USP39: variants seen among roughly 807,000 people sequenced by gnomAD.
The protein encoded by USP39 is ubiquitin carboxyl-terminal hydrolase 39.
Under a neutral mutation model 66.4 loss-of-function variants are expected in USP39, and 38 were observed. The observed-to-expected ratio is 0.57, with a 90% CI of 0.44 to 0.75. USP39 has a LOEUF of 0.75. USP39 is among the 30% of genes least tolerant of loss of function. The pLI is 0.00. For missense variants in USP39, 608 were observed against 714.4 expected, an observed-to-expected ratio of 0.85 and a Z score of 1.70; for synonymous variants, 303 against 274.6, an observed-to-expected ratio of 1.10 and a Z score of -1.02.
intron 1 of USP39, 75 bp downstream of exon 1, chr2:85,616,538 G>A: frequency 8.3e-7 from 1 of 1,211,106 alleles, no homozygotes; most frequent in East Asian, 4.1e-5. Context: ...CTAATCTTCC[G>A]CTAGGTCACT....
intron 9 of USP39, among the ~76,000 whole-genome samples, chr2:85,640,291 C>CTT (rs763669112): frequency 7.0e-6 from 1 of 141,890 alleles, no homozygotes. Context: ...GGGAGACATA[C>CTT]TTTTTTTTTT....
chr2:85,616,120 C>A, upstream of USP39: 2 of 1,386,394 alleles, frequency 1.4e-6, no homozygotes, highest in Non-Finnish European at 1.9e-6. Flanking sequence ...GCTACCAGCC[C>A]CTCTCCTGAT....
Position 85,646,699 on chromosome 2 carries a change from G to C in USP39, c.1564-1231G>C, listed in dbSNP as rs539473926. Among the ~76,000 whole-genome samples, 18 of 152,254 alleles carry C rather than the reference G, an allele frequency of 1.2e-4. No homozygotes were observed. The South Asian group carries it at 1.5e-3, about 12-fold the overall frequency. Reference sequence around the variant, plus strand: ...TTGGTATTTCTTAGAACTTTGGTTGGATAAGACAGGTGGGCGGCCAGAGGT... The same window carrying C: ...TTGGTATTTCTTAGAACTTTGGTTGCATAAGACAGGTGGGCGGCCAGAGGT... On this transcript the variant is annotated intron_variant, in intron 11 of 12. Coordinates refer to ENST00000323701, the MANE Select transcript of USP39 (RefSeq NM_006590.4).
chr2:85,644,905 A>C (rs756778509), intron 10 of USP39, 43 bp from the exon 11 acceptor site: 5 of 1,610,278 alleles, frequency 3.1e-6, no homozygotes, highest in Non-Finnish European at 3.4e-6. Context: ...TTAACCTCAC[A>C]GCCTTTGTCT....
chr2:85,625,769 A>G, intron 5 of USP39, 78 bp downstream of exon 5: 2 of 1,545,740 alleles, frequency 1.3e-6, no homozygotes, highest in Non-Finnish European at 1.8e-6. Context: ...CTGTAATCCC[A>G]GCACTTTGGG....
intron 8 of USP39, 128 bp downstream of exon 8, chr2:85,637,564 T>A: frequency 1.1e-6 from 1 of 935,496 alleles, no homozygotes; most frequent in Non-Finnish European, 1.7e-6. Context: ...AGCACCTGCC[T>A]AGTGGCAGCT....
chr2:85,629,452 A>C (rs1675146525), intron 5 of USP39, among the ~76,000 whole-genome samples: 1 of 150,998 alleles, frequency 6.6e-6, no homozygotes, highest in Non-Finnish European at 1.5e-5. Flanking sequence ...TTAATGAGAT[A>C]CAATTTGTTT....
At position 85,619,212 on chromosome 2, in the gene USP39, C is replaced by T; in HGVS notation, c.269-8C>T. On this transcript the variant is annotated splice_region_variant and splice_polypyrimidine_tract_variant and intron_variant, in intron 1 of 12. Coordinates refer to ENST00000323701, the MANE Select transcript of USP39 (RefSeq NM_006590.4). ...CATTTTCAAAGCCTGTGATGATTTTCCTTTCAGCAAAGAATGGCCGAGTGG... is the reference window on the plus strand; with the variant it reads ...CATTTTCAAAGCCTGTGATGATTTTTCTTTCAGCAAAGAATGGCCGAGTGG... 1 of 1,613,784 alleles carries T rather than the reference C, an allele frequency of 6.2e-7. No individual in the cohort carries two copies. The highest frequency in any genetic ancestry group is 1.1e-5 in the South Asian group (1 of 91,006).
upstream of USP39, among the ~76,000 whole-genome samples, chr2:85,610,013 G>GTTTTTT (rs552989319): frequency 3.2e-5 from 4 of 125,142 alleles, no homozygotes; most frequent in African/African-American, 6.6e-5. Flanking sequence ...AGTGTAAGTG[G>GTTTTTT]TTTTTTTTTT....
intron 1 of USP39, among the ~76,000 whole-genome samples, chr2:85,618,620 A>T (rs913893755): frequency 6.6e-6 from 1 of 151,904 alleles, no homozygotes; most frequent in South Asian, 2.1e-4. Flanking sequence ...TTTGTATTAC[A>T]ATTAGTTTAT....
At chr2:85,631,633 G>A (rs1173340256) in intron 6 of USP39, among the ~76,000 whole-genome samples, 1 of 152,178 alleles carries the variant, frequency 6.6e-6, no homozygotes, top group Non-Finnish European at 1.5e-5. Context: ...TATGGCTTAG[G>A]GAAATACCAG....
intron 10 of USP39, 67 bp from the exon 11 acceptor site, chr2:85,644,881 G>T: frequency 1.3e-6 from 2 of 1,599,352 alleles, no homozygotes; most frequent in South Asian, 2.2e-5. Flanking sequence ...GTCCGTTTGT[G>T]TAGGACAGTT....
chr2:85,607,835 T>A (rs543649860), upstream of USP39: 2 of 152,300 alleles, frequency 1.3e-5, no homozygotes, highest in South Asian at 4.1e-4. Flanking sequence ...TCTTGTGGAA[T>A]TCAGACGTAA....
chr2:85,647,597 T>C, intron 11 of USP39, among the ~76,000 whole-genome samples: 1 of 150,332 alleles, frequency 6.7e-6, no homozygotes, highest in East Asian at 2.0e-4. Context: ...GGGTCAAGGC[T>C]GCAGTGAGCT....
intron 6 of USP39, among the ~76,000 whole-genome samples, chr2:85,634,315 T>C (rs545668804): frequency 7.9e-5 from 12 of 151,924 alleles, no homozygotes; most frequent in Admixed American, 3.3e-4. Flanking sequence ...GGCTCATGCC[T>C]GTAATCCCAG....
At chr2:85,623,153 A>G (rs1674590285) in intron 3 of USP39, among the ~76,000 whole-genome samples, 1 of 152,206 alleles carries the variant, frequency 6.6e-6, no homozygotes, top group Non-Finnish European at 1.5e-5. Flanking sequence ...AAGGAGTAGC[A>G]ACATGAAAAA....
upstream of USP39, among the ~76,000 whole-genome samples, chr2:85,615,547 T>G (rs1300353681): frequency 6.6e-6 from 1 of 152,144 alleles, no homozygotes; most frequent in Non-Finnish European, 1.5e-5. Context: ...AGTTTTCCTG[T>G]GCAGGATTGT....
intron 11 of USP39, among the ~76,000 whole-genome samples, chr2:85,646,781 T>C (rs570197417): frequency 6.6e-6 from 1 of 152,250 alleles, no homozygotes; most frequent in Admixed American, 6.5e-5. Context: ...TGAAGTGAGA[T>C]ACGTTTTGCT....
upstream of USP39, chr2:85,611,701 G>T (rs1298745823): frequency 2.5e-6 from 4 of 1,584,750 alleles, no homozygotes; most frequent in Non-Finnish European, 3.4e-6. Flanking sequence ...TGCAGGTCTG[G>T]CTTGCGGGGC....
Sources: gnomAD v4.1 joint callset for allele counts (sites outside exome capture counted in the v4.1 genomes callset) on GRCh38, gnomAD v4.1.1 for gene constraint, MANE v1.5 for transcripts, NCBI Gene and HGNC (gene_info 2026-07-23, HGNC 2026-07-21) for gene names.